ITGB2: variants seen among roughly 807,000 people sequenced by gnomAD.
ITGB2 encodes the protein integrin subunit beta 2.
Under a neutral mutation model 86.8 loss-of-function variants are expected in ITGB2, and 56 were observed. The ratio of observed to expected loss-of-function variants is 0.65; its 90% confidence interval spans 0.52 to 0.81. ITGB2 has a LOEUF of 0.81. ITGB2 is among the 30% of genes least tolerant of loss of function. The probability of loss-of-function intolerance (pLI) is 0.00; values close to 1 mark genes in which losing one functional copy is unlikely to be tolerated. For missense variants in ITGB2, 948 were observed against 1,061.2 expected (o/e 0.89, Z 1.48); for synonymous variants, 457 against 450.4 (o/e 1.01, Z -0.19).
chr21:44,888,899 C>T lies in ITGB2; in HGVS notation c.1878-4G>A, dbSNP rs752746429. On this transcript the variant is annotated splice_region_variant and splice_polypyrimidine_tract_variant and intron_variant, in intron 13 of 15. Coordinates refer to ENST00000652462, the MANE Select transcript of ITGB2 (RefSeq NM_000211.5). ...CTTCAGGCACTCGGCGCAGGAGCTG[C>T]GGGGAGCCAGGTGTGAGCATCGGTG... 81 of 1,601,502 alleles carry T rather than the reference C, an allele frequency of 5.1e-5. No individual in the cohort carries two copies. The highest frequency in any genetic ancestry group is 2.3e-4 in the Admixed American group (14 of 59,876).
At chr21:44,890,429 G>A (rs2083770514) in intron 11 of ITGB2, among the ~76,000 whole-genome samples, 1 of 152,260 alleles carries the variant, frequency 6.6e-6, no homozygotes, top group African/African-American at 2.4e-5. Flanking sequence ...GATGTCCCGA[G>A]GGGAAAGCAG....
intron 1 of ITGB2, among the ~76,000 whole-genome samples, chr21:44,920,340 C>T (rs2084284319): frequency 6.6e-6 from 1 of 152,166 alleles, no homozygotes; most frequent in Non-Finnish European, 1.5e-5. Flanking sequence ...CCACACCACA[C>T]CATATCACAC....
intron 11 of ITGB2, 45 bp downstream of exon 11, chr21:44,891,764 G>A (rs966846713): frequency 1.9e-6 from 3 of 1,591,550 alleles, no homozygotes; most frequent in Non-Finnish European, 2.6e-6. Flanking sequence ...TGCCCTGTGG[G>A]GTGGGGCTCG....
intron 6 of ITGB2, 65 bp downstream of exon 6, chr21:44,901,427 C>G (rs1248402080): frequency 6.3e-7 from 1 of 1,579,164 alleles, no homozygotes; most frequent in Non-Finnish European, 8.6e-7. Flanking sequence ...TGCCCCCACA[C>G]AGCGCCTGAC....
chr21:44,916,879 A>G (rs1419200381), intron 1 of ITGB2, among the ~76,000 whole-genome samples: 3 of 152,008 alleles, frequency 2.0e-5, no homozygotes, highest in Non-Finnish European at 4.4e-5. Flanking sequence ...AAGAAAAAAA[A>G]AAAAAAAGCT....
intron 4 of ITGB2, among the ~76,000 whole-genome samples, chr21:44,903,839 T>C (rs1355863973): frequency 1.3e-5 from 2 of 152,052 alleles, no homozygotes; most frequent in East Asian, 1.9e-4. Context: ...TCATTGAGAG[T>C]GGCAGCGGCT....
Position 44,889,270 on chromosome 21 carries a change from A to C in ITGB2, c.1877+6T>G. ...TGCCCGCCCTGCCTGCTCCGCCTGC[A>C]CTCACATGTACTTGCCACAGGGTGA... On this transcript the variant is annotated splice_donor_region_variant and intron_variant, in intron 13 of 15. Coordinates refer to ENST00000652462, the MANE Select transcript of ITGB2 (RefSeq NM_000211.5). 4.3e-6 allele frequency: 7 copies of C among 1,611,978 alleles called. No individual in the cohort carries two copies. The highest frequency in any genetic ancestry group is 2.2e-5 in the East Asian group (1 of 44,824).
At chr21:44,914,776 AAAAT>A (rs1382234666) in intron 1 of ITGB2, among the ~76,000 whole-genome samples, 1 of 152,136 alleles carries the variant, frequency 6.6e-6, no homozygotes, top group Non-Finnish European at 1.5e-5. Flanking sequence ...ATAAAAATAG[AAAAT>A]AAATTAGCCA....
rs1052155774 is a variant in ITGB2 at position 44,886,448 on chromosome 21, CAG to C, written c.2248-20_2248-19del. 1.5e-5 allele frequency: 24 copies of C among 1,613,648 alleles called. No individual in the cohort carries two copies. The highest frequency in any genetic ancestry group is 3.3e-4 in the Middle Eastern group (2 of 6,080). ...GGATTATCCTGGTGGGAAATGCAAA[CAG>C]GGGCTTGTGAGTGTGGGAGGTTTTC... is the stretch of plus-strand genomic sequence containing the variant. On this transcript the variant is annotated intron_variant, in intron 15 of 15. Coordinates refer to ENST00000652462, the MANE Select transcript of ITGB2 (RefSeq NM_000211.5).
chr21:44,914,955 A>T (rs899793809), intron 1 of ITGB2, among the ~76,000 whole-genome samples: 1 of 151,942 alleles, frequency 6.6e-6, no homozygotes, highest in Non-Finnish European at 1.5e-5. Flanking sequence ...AAAGAAAAAG[A>T]AAGGAAACTT....
intron 11 of ITGB2, among the ~76,000 whole-genome samples, chr21:44,890,656 G>A (rs913374312): frequency 6.6e-6 from 1 of 152,230 alleles, no homozygotes; most frequent in African/African-American, 2.4e-5. Context: ...GCCAGGTTGT[G>A]GGAGAATGCA....
upstream of ITGB2, chr21:44,921,381 T>A (rs561152916): frequency 2.0e-5 from 3 of 152,538 alleles, no homozygotes; most frequent in African/African-American, 7.2e-5. Flanking sequence ...TCCACCTGCA[T>A]GTGAGGGCGG....
intron 11 of ITGB2, 35 bp downstream of exon 11, chr21:44,891,774 G>C (rs371344397): frequency 4.8e-5 from 76 of 1,597,162 alleles, no homozygotes; most frequent in Non-Finnish European, 5.9e-5. Flanking sequence ...GGTGGGGCTC[G>C]GGGATGGTTC....
At chr21:44,905,918 GC>G (rs1396952487) in intron 4 of ITGB2, among the ~76,000 whole-genome samples, 1 of 152,198 alleles carries the variant, frequency 6.6e-6, no homozygotes, top group Admixed American at 6.5e-5. Context: ...TGAGGGCAGA[GC>G]TCTGAGCCCC....
chr21:44,910,922 C>T (rs1434397200), intron 1 of ITGB2, 137 bp from the exon 2 acceptor site: 3 of 825,926 alleles, frequency 3.6e-6, no homozygotes, highest in Non-Finnish European at 5.8e-6. Flanking sequence ...TAGGGTCAGG[C>T]CAGCACAGCT....
At chr21:44,916,975 C>A (rs2084221638) in intron 1 of ITGB2, among the ~76,000 whole-genome samples, 1 of 152,034 alleles carries the variant, frequency 6.6e-6, no homozygotes, top group Non-Finnish European at 1.5e-5. Context: ...TATTATCTCT[C>A]TAGTGCAAAA....
At chr21:44,918,761 G>T (rs934035148) in intron 1 of ITGB2, among the ~76,000 whole-genome samples, 30 of 152,210 alleles carry the variant, frequency 2.0e-4, no homozygotes, top group Non-Finnish European at 8.8e-5. Flanking sequence ...AGGGGCAGGG[G>T]TTACCACCCT....
chr21:44,902,550 C>CGT (rs1314879954), intron 5 of ITGB2, among the ~76,000 whole-genome samples: 2 of 149,920 alleles, frequency 1.3e-5, no homozygotes, highest in Non-Finnish European at 3.0e-5. Context: ...CATGCATTCA[C>CGT]GTGTGTGTGC....
intron 1 of ITGB2, among the ~76,000 whole-genome samples, chr21:44,918,349 A>G (rs2084242073): frequency 6.6e-6 from 1 of 152,230 alleles, no homozygotes; most frequent in East Asian, 1.9e-4. Flanking sequence ...ACGCTGCCCC[A>G]TCCACAGAGG....
Sources: gnomAD v4.1 joint callset for allele counts (sites outside exome capture counted in the v4.1 genomes callset) on GRCh38, gnomAD v4.1.1 for gene constraint, MANE v1.5 for transcripts, NCBI Gene and HGNC (gene_info 2026-07-23, HGNC 2026-07-21) for gene names.